PHACTR1: variants seen among roughly 807,000 people sequenced by gnomAD.
PHACTR1 encodes phosphatase and actin regulator 1.
PHACTR1 carries 16 observed loss-of-function variants against 69.2 expected under a neutral mutation model. That is an observed-to-expected ratio of 0.23 (90% CI 0.16 to 0.35). The LOEUF is 0.35. PHACTR1 is among the 10% of genes least tolerant of loss of function. The probability of loss-of-function intolerance (pLI) is 1.00; values close to 1 mark genes in which losing one functional copy is unlikely to be tolerated. For missense variants in PHACTR1, 510 were observed against 734.7 expected (o/e 0.69, Z 3.54); for synonymous variants, 312 against 284.5 (o/e 1.10, Z -0.97).
Position 13,130,534 on chromosome 6 carries a change from T to C in PHACTR1, c.416-29670T>C, listed in dbSNP as rs187752292. Among the ~76,000 whole-genome samples the C allele has an allele frequency of 4.3e-3, 658 of 152,228 alleles. 8 individuals carry two copies. Among genetic ancestry groups the C allele is most frequent in the African/African-American group, 0.015 (616 of 41,556 alleles). On this transcript the variant is annotated intron_variant, in intron 5 of 14. Coordinates refer to ENST00000332995, the MANE Select transcript of PHACTR1 (RefSeq NM_030948.6). ...TATTCAAGGCTGCTGTGAACACCTTTACACACACAAACTAGAAAATTTAGA... is the reference window on the plus strand; with the variant it reads ...TATTCAAGGCTGCTGTGAACACCTTCACACACACAAACTAGAAAATTTAGA...
chr6:12,815,746 C>T (rs1775505200), intron 4 of PHACTR1, among the ~76,000 whole-genome samples: 1 of 152,204 alleles, frequency 6.6e-6, no homozygotes, highest in South Asian at 2.1e-4. Flanking sequence ...TCTGTATAAA[C>T]CCTTTGTCCT....
intron 4 of PHACTR1, among the ~76,000 whole-genome samples, chr6:12,977,033 T>G (rs1242460481): frequency 6.6e-6 from 1 of 152,186 alleles, no homozygotes; most frequent in Non-Finnish European, 1.5e-5. Context: ...TGGTGCAATC[T>G]CGGCTCACTG....
intron 8 of PHACTR1, among the ~76,000 whole-genome samples, chr6:13,217,457 AAT>A (rs1291775115): frequency 2.6e-5 from 4 of 152,202 alleles, no homozygotes; most frequent in African/African-American, 9.6e-5. Flanking sequence ...CTCCATCAGA[AAT>A]AGAGAGTGCT....
intron 10 of PHACTR1, among the ~76,000 whole-genome samples, chr6:13,250,356 A>G (rs430216): frequency 0.069 from 10,498 of 152,286 alleles, 683 homozygotes; most frequent in Admixed American, 0.22. Context: ...TAATCATCAA[A>G]ATAATCCCAT....
chr6:12,973,984 C>T (rs1172188988), intron 4 of PHACTR1, among the ~76,000 whole-genome samples: 4 of 140,850 alleles, frequency 2.8e-5, no homozygotes, highest in Admixed American at 7.5e-5. Flanking sequence ...TGCAGTGGCA[C>T]GATCTCAGCT....
chr6:13,070,072 C>T (rs1809273868), intron 5 of PHACTR1, among the ~76,000 whole-genome samples: 1 of 152,188 alleles, frequency 6.6e-6, no homozygotes, highest in South Asian at 2.1e-4. Flanking sequence ...GCCTCATTTT[C>T]ACCCTAGCAG....
intron 4 of PHACTR1, among the ~76,000 whole-genome samples, chr6:12,976,355 T>G (rs1256195176): frequency 6.6e-6 from 1 of 152,192 alleles, no homozygotes; most frequent in East Asian, 1.9e-4. Flanking sequence ...ATGTGTAACC[T>G]GGGATCTTAG....
At chr6:12,764,839 G>A (rs575239913) in intron 4 of PHACTR1, among the ~76,000 whole-genome samples, 1 of 152,118 alleles carries the variant, frequency 6.6e-6, no homozygotes, top group Non-Finnish European at 1.5e-5. Flanking sequence ...ACATATGGGA[G>A]CTGCTCTGGT....
chr6:13,153,808 A>G (rs1168976079), intron 5 of PHACTR1, among the ~76,000 whole-genome samples: 1 of 152,210 alleles, frequency 6.6e-6, no homozygotes, highest in Non-Finnish European at 1.5e-5. Context: ...GGTTTAAAAC[A>G]TTGCTGAAAA....
intron 4 of PHACTR1, among the ~76,000 whole-genome samples, chr6:12,976,023 C>T (rs556575112): frequency 5.8e-4 from 89 of 152,252 alleles, no homozygotes; most frequent in Admixed American, 9.2e-4. Context: ...AATTTAATTC[C>T]TTTTCCCCCT....
chr6:12,915,473 C>G (rs534495864), intron 4 of PHACTR1, among the ~76,000 whole-genome samples: 2 of 146,088 alleles, frequency 1.4e-5, no homozygotes, highest in East Asian at 2.0e-4. Context: ...CTCCACTGCA[C>G]TCCAGCCTGG....
intron 4 of PHACTR1, among the ~76,000 whole-genome samples, chr6:13,042,098 C>T (rs1026153857): frequency 6.6e-6 from 1 of 152,146 alleles, no homozygotes; most frequent in African/African-American, 2.4e-5. Context: ...TTATTGTAGA[C>T]CTTCTCAGAG....
At chr6:13,133,670 C>G (rs1024818911) in intron 5 of PHACTR1, among the ~76,000 whole-genome samples, 1 of 152,136 alleles carries the variant, frequency 6.6e-6, no homozygotes, top group African/African-American at 2.4e-5. Context: ...AGCCGCCTGC[C>G]TTGGCCTCCC....
intron 7 of PHACTR1, among the ~76,000 whole-genome samples, chr6:13,195,601 T>C (rs950456339): frequency 6.6e-6 from 1 of 151,462 alleles, no homozygotes; most frequent in Non-Finnish European, 1.5e-5. Flanking sequence ...CTACTGAAAC[T>C]ACAAAAATTA....
chr6:13,278,133 G>A, intron 11 of PHACTR1, 135 bp from the exon 12 acceptor site: 22 of 740,036 alleles, frequency 3.0e-5, no homozygotes, highest in Middle Eastern at 4.9e-4. Flanking sequence ...AGGGCAGCTG[G>A]GGGAGGGGAC....
At chr6:13,012,921 A>G (rs1199779958) in intron 4 of PHACTR1, among the ~76,000 whole-genome samples, 1 of 152,218 alleles carries the variant, frequency 6.6e-6, no homozygotes, top group Admixed American at 6.5e-5. Flanking sequence ...TCTCCCTGCA[A>G]TGCCAGCTAC....
intron 4 of PHACTR1, among the ~76,000 whole-genome samples, chr6:12,983,522 G>A (rs1795764464): frequency 6.6e-6 from 1 of 151,998 alleles, no homozygotes; most frequent in Admixed American, 6.5e-5. Flanking sequence ...CTAAGGAGAC[G>A]TATTTATTAT....
chr6:12,808,011 A>G (rs1255667234), intron 4 of PHACTR1, among the ~76,000 whole-genome samples: 1 of 152,208 alleles, frequency 6.6e-6, no homozygotes, highest in Non-Finnish European at 1.5e-5. Context: ...TAATCTAGAG[A>G]TTGAATTTTC....
At chr6:12,724,676 A>T (rs1762557992) in intron 3 of PHACTR1, among the ~76,000 whole-genome samples, 1 of 152,136 alleles carries the variant, frequency 6.6e-6, no homozygotes, top group Non-Finnish European at 1.5e-5. Context: ...CCCTGACCAA[A>T]CCACACTTCC....
Sources: allele counts gnomAD v4.1 joint callset (sites outside exome capture counted in the v4.1 genomes callset), GRCh38; gene constraint gnomAD v4.1.1; transcripts MANE v1.5; gene names NCBI Gene and HGNC (gene_info 2026-07-23, HGNC 2026-07-21).